The following TBC1D19 variants were observed in gnomAD, a reference collection of about 807,000 sequenced individuals.
TBC1D19 encodes TBC1 domain family member 19, also known as TBC1 domain family, member 19.
In TBC1D19, 60 loss-of-function variants were observed where a neutral mutation model predicts 89.0. That is an observed-to-expected ratio of 0.67 (90% CI 0.55 to 0.84). TBC1D19 has a LOEUF of 0.84. Among genes scored for constraint, TBC1D19 ranks in the 40% least tolerant of loss-of-function variants. The pLI is 0.00. For synonymous variants in TBC1D19, 189 were observed against 199.7 expected (o/e 0.95, Z 0.45); for missense variants, 500 against 610.8 (o/e 0.82, Z 1.91).
the TBC1D19 span, among the ~76,000 whole-genome samples, chr4:26,829,324 C>G: frequency 6.6e-6 from 1 of 152,128 alleles, no homozygotes; most frequent in Non-Finnish European, 1.5e-5. Flanking sequence ...CAAAGTATTC[C>G]AAAGCAATCA....
intron 13 of TBC1D19, among the ~76,000 whole-genome samples, chr4:26,709,121 G>A (rs1339624697): frequency 6.6e-6 from 1 of 151,832 alleles, no homozygotes; most frequent in African/African-American, 2.4e-5. Flanking sequence ...TTTCTTCCCA[G>A]CGTTTTTGTT....
intron 4 of TBC1D19, among the ~76,000 whole-genome samples, chr4:26,631,557 G>C (rs1209612249): frequency 6.6e-6 from 1 of 151,968 alleles, no homozygotes; most frequent in Non-Finnish European, 1.5e-5. Context: ...CCACTTTTCT[G>C]AATTGGACAT....
intron 7 of TBC1D19, among the ~76,000 whole-genome samples, chr4:26,654,674 C>T (rs1744662437): frequency 6.6e-6 from 1 of 152,234 alleles, no homozygotes; most frequent in Non-Finnish European, 1.5e-5. Context: ...GAATCAGCTA[C>T]TGAGGCTTGT....
intron 9 of TBC1D19, 63 bp downstream of exon 9, chr4:26,666,468 G>T: frequency 7.3e-7 from 1 of 1,377,940 alleles, no homozygotes; most frequent in Admixed American, 2.0e-5. Context: ...GGTTTATATT[G>T]CTATTTCCAA....
chr4:26,636,488 T>A (rs367705489), intron 4 of TBC1D19, among the ~76,000 whole-genome samples: 338 of 130,858 alleles, frequency 2.6e-3, no homozygotes, highest in Non-Finnish European at 3.2e-3. Context: ...GTCAGTATCA[T>A]AAAAAAAAAA....
intron 4 of TBC1D19, among the ~76,000 whole-genome samples, chr4:26,624,279 C>T (rs1235999337): frequency 6.6e-6 from 1 of 152,152 alleles, no homozygotes; most frequent in African/African-American, 2.4e-5. Flanking sequence ...ATTGATTACC[C>T]CTGTTGAAAG....
the TBC1D19 span, among the ~76,000 whole-genome samples, chr4:26,846,509 A>C: frequency 6.6e-6 from 1 of 152,136 alleles, no homozygotes. Context: ...CCATTGTCAA[A>C]TGGATTGCAC....
chr4:26,684,727 C>G (rs1713657944), intron 12 of TBC1D19, among the ~76,000 whole-genome samples: 1 of 152,032 alleles, frequency 6.6e-6, no homozygotes, highest in African/African-American at 2.4e-5. Flanking sequence ...TTATAGGTCT[C>G]AGAAATGGGA....
intron 11 of TBC1D19, 134 bp from the exon 12 acceptor site, chr4:26,683,541 A>C: frequency 1.7e-6 from 1 of 592,106 alleles, no homozygotes. Flanking sequence ...TTAGTCAGGC[A>C]TGAGGGTTAT....
intron 13 of TBC1D19, among the ~76,000 whole-genome samples, chr4:26,702,961 C>T (rs1715451379): frequency 6.6e-6 from 1 of 152,154 alleles, no homozygotes; most frequent in Admixed American, 6.5e-5. Context: ...AATATTTGTT[C>T]TTCTGTGACT....
chr4:26,742,435 A>G, intron 17 of TBC1D19, 73 bp from the exon 18 acceptor site: 2 of 1,263,358 alleles, frequency 1.6e-6, no homozygotes, highest in Non-Finnish European at 2.2e-6. Context: ...TTTCCATTTG[A>G]ATAATTTGTT....
intron 1 of TBC1D19, among the ~76,000 whole-genome samples, chr4:26,598,127 A>T (rs911040004): frequency 3.3e-5 from 5 of 152,276 alleles, no homozygotes; most frequent in Admixed American, 2.6e-4. Flanking sequence ...TTCATTCTTA[A>T]CCATATTTTA....
chr4:26,791,327 T>C, the TBC1D19 span, among the ~76,000 whole-genome samples: 1 of 152,128 alleles, frequency 6.6e-6, no homozygotes, highest in Non-Finnish European at 1.5e-5. Context: ...GGGGATACAA[T>C]GGTGAACAAA....
chr4:26,770,184 A>G, the TBC1D19 span, among the ~76,000 whole-genome samples: 3 of 152,166 alleles, frequency 2.0e-5, no homozygotes, highest in African/African-American at 7.2e-5. Flanking sequence ...ATTAAAAAAG[A>G]TGAGACCTAC....
At position 26,754,929 on chromosome 4, in the gene TBC1D19, G is replaced by T. The variant is rs955494607; in HGVS notation, c.1563G>T (p.Leu521=). Reference sequence around the variant, plus strand: ...TTATGCCTCTTCTTCAGATTTTTCTGTTTGCTACTGTCACCTGATCTTCTT... The same window carrying T: ...TTATGCCTCTTCTTCAGATTTTTCTTTTTGCTACTGTCACCTGATCTTCTT... ...LKVMPLLQIF[L]FATVT The change falls in exon 21 of 21, where the codon CTG becomes CTT. Residue 521 remains leucine (L), a synonymous_variant. Transcript: ENST00000264866. The T allele has an allele frequency of 6.2e-7, 1 of 1,605,290 alleles. No individual in the cohort carries two copies. Among genetic ancestry groups the T allele is most frequent in the Non-Finnish European group, 8.5e-7 (1 of 1,177,168 alleles).
intron 5 of TBC1D19, among the ~76,000 whole-genome samples, chr4:26,637,615 G>A (rs1053588748): frequency 3.9e-5 from 6 of 152,142 alleles, no homozygotes; most frequent in Admixed American, 6.5e-5. Context: ...ATCATGATCC[G>A]CCCACCTTGG....
At chr4:26,655,063 C>G (rs1217364834) in intron 7 of TBC1D19, among the ~76,000 whole-genome samples, 2 of 152,090 alleles carry the variant, frequency 1.3e-5, no homozygotes, top group South Asian at 2.1e-4. Context: ...TGTGGATGTC[C>G]TTTTTGTTTG....
rs1207081391 is a variant in TBC1D19, at chr4:26,737,701, A to G, written c.1118-2163A>G. Among the ~76,000 whole-genome samples, 5 of 152,116 alleles carry G rather than the reference A, an allele frequency of 3.3e-5. No individual in the cohort carries two copies. The East Asian group carries it at 9.6e-4, about 29-fold the overall frequency. On this transcript the variant is annotated intron_variant, in intron 16 of 20. Coordinates refer to ENST00000264866, the MANE Select transcript of TBC1D19 (RefSeq NM_018317.4). ...ACAAAAACTTTACCAGCAACCACTTATTTAGAACCAGTGTACAAAAATAAT... is the reference window on the plus strand; with the variant it reads ...ACAAAAACTTTACCAGCAACCACTTGTTTAGAACCAGTGTACAAAAATAAT...
chr4:26,701,051 C>A (rs1331653048), intron 13 of TBC1D19, among the ~76,000 whole-genome samples: 3 of 152,196 alleles, frequency 2.0e-5, no homozygotes, highest in African/African-American at 7.2e-5. Flanking sequence ...ATTCCAGCCA[C>A]CCTGATCTTT....
Sources: gnomAD v4.1 joint callset for allele counts (sites outside exome capture counted in the v4.1 genomes callset) on GRCh38, gnomAD v4.1.1 for gene constraint, MANE v1.5 for transcripts, NCBI Gene and HGNC (gene_info 2026-07-23, HGNC 2026-07-21) for gene names.